Variants in HEATR1 observed in about 807,000 individuals in gnomAD.
The protein encoded by HEATR1 is HEAT repeat-containing protein 1.
Under a neutral mutation model 248.2 loss-of-function variants are expected in HEATR1, and 77 were observed. The observed-to-expected ratio is 0.31, with a 90% CI of 0.26 to 0.37. The LOEUF is 0.37. HEATR1 is among the 10% of genes least tolerant of loss of function. The probability of loss-of-function intolerance (pLI) is 1.00; values close to 1 mark genes in which losing one functional copy is unlikely to be tolerated. For missense variants in HEATR1, 2,420 were observed against 2,504.9 expected, an observed-to-expected ratio of 0.97 and a Z score of 0.72; for synonymous variants, 897 against 923.1, an observed-to-expected ratio of 0.97 and a Z score of 0.51.
chr1:236,587,731 T>G (rs1663932860), intron 13 of HEATR1, among the ~76,000 whole-genome samples: 1 of 152,094 alleles, frequency 6.6e-6, no homozygotes, highest in African/African-American at 2.4e-5. Context: ...CACAAAACAT[T>G]TTTCCTGTTT....
In HEATR1 at chr1:236,566,870, T is replaced by C; in HGVS notation, c.4084A>G (p.Ser1362Gly). The C allele has an allele frequency of 6.2e-7, 1 of 1,608,622 alleles. No individual in the cohort carries two copies. Among genetic ancestry groups the C allele is most frequent in the Non-Finnish European group, 8.5e-7 (1 of 1,175,170 alleles). The change falls in exon 30 of 45, where the codon AGT becomes GGT. Residue 1362 changes from serine to glycine, a missense_variant. Physicochemically the swap from Ser to Gly is moderately conservative, Grantham distance 56 (BLOSUM62 0). Coordinates refer to ENST00000366582, the MANE Select transcript of HEATR1 (RefSeq NM_018072.6). ...CTTGAAACTTCTATAGAATCTCCAC[T>C]ATCAGACTGCAAAACAGCAAGCAGA... ...MVIPALIQSD[S>G]GDSIEVSRNV...
At chr1:236,555,074 T>C (rs1242645272) in intron 41 of HEATR1, among the ~76,000 whole-genome samples, 1 of 152,218 alleles carries the variant, frequency 6.6e-6, no homozygotes, top group Non-Finnish European at 1.5e-5. Context: ...AACGGCCATT[T>C]ACTTTATTCT....
At chr1:236,565,556 T>C (rs1663247017) in intron 31 of HEATR1, among the ~76,000 whole-genome samples, 1 of 152,174 alleles carries the variant, frequency 6.6e-6, no homozygotes, top group African/African-American at 2.4e-5. Context: ...CTGCCACTCC[T>C]GTGGTACCTA....
chr1:236,554,561 G>A, intron 42 of HEATR1, 37 bp downstream of exon 42: 2 of 1,598,638 alleles, frequency 1.3e-6, no homozygotes, highest in Non-Finnish European at 1.7e-6. Context: ...AACAGTGATG[G>A]CTTCCTCAGC....
intron 14 of HEATR1, among the ~76,000 whole-genome samples, chr1:236,586,796 T>C (rs1449655579): frequency 6.6e-6 from 1 of 151,916 alleles, no homozygotes; most frequent in African/African-American, 2.4e-5. Context: ...ACATAAGACA[T>C]ATCACACTAG....
chr1:236,577,030 TTG>T, intron 20 of HEATR1, 81 bp from the exon 21 acceptor site: 1 of 1,107,158 alleles, frequency 9.0e-7, no homozygotes, highest in Non-Finnish European at 1.3e-6. Flanking sequence ...CCAAAGGTAC[TTG>T]ATAAAAAGTT....
chr1:236,600,031 C>T (rs189458395), intron 3 of HEATR1, among the ~76,000 whole-genome samples: 24 of 151,240 alleles, frequency 1.6e-4, no homozygotes, highest in Non-Finnish European at 2.8e-4. Flanking sequence ...TAGCTGGGAC[C>T]ACAGGGGAGC....
At chr1:236,590,734 TTCAAC>T in intron 12 of HEATR1, 108 bp downstream of exon 12, 1 of 438,914 alleles carries the variant, frequency 2.3e-6, no homozygotes, top group Non-Finnish European at 4.1e-6. Context: ...ATGAGGTTTA[TTCAAC>T]TCATCTGTAT....
intron 29 of HEATR1, among the ~76,000 whole-genome samples, chr1:236,567,463 C>A (rs1213044777): frequency 6.6e-6 from 1 of 152,192 alleles, no homozygotes; most frequent in Non-Finnish European, 1.5e-5. Context: ...GTAATCCCAA[C>A]ACTTTGGGAG....
Position 236,565,984 on chromosome 1 carries a change from T to A in HEATR1, c.4370A>T (p.Gln1457Leu), listed in dbSNP as rs1304120983. Reference sequence around the variant, plus strand: ...ATTCATCAAGCTTTGTATCTGATGCTGGACACTAAACTCACAACAGACTGA... The same window carrying A: ...ATTCATCAAGCTTTGTATCTGATGCAGGACACTAAACTCACAACAGACTGA... ...WFSVCCEFSVQHQIQSLMNIL... is the reference protein window; with the variant it reads ...WFSVCCEFSVLHQIQSLMNIL... The change falls in exon 31 of 45, where the codon CAG becomes CTG. Residue 1457 changes from glutamine (Q) to leucine (L), a missense_variant. Physicochemically the swap from Gln to Leu is moderately radical, Grantham distance 113 (BLOSUM62 -2). Transcript: ENST00000366582. The A allele has an allele frequency of 6.8e-6, 11 of 1,613,852 alleles. No homozygotes were observed. Among genetic ancestry groups the A allele is most frequent in the Non-Finnish European group, 8.5e-6 (10 of 1,179,762 alleles).
At chr1:236,582,508 A>G (rs1663779734) in intron 19 of HEATR1, among the ~76,000 whole-genome samples, 1 of 151,798 alleles carries the variant, frequency 6.6e-6, no homozygotes, top group African/African-American at 2.4e-5. Context: ...GTTCAAGCGA[A>G]TTCTCCTGCC....
chr1:236,580,538 A>C (rs2758178), intron 20 of HEATR1, among the ~76,000 whole-genome samples: 73,808 of 132,238 alleles, frequency 0.56, 21,423 homozygotes, highest in Non-Finnish European at 0.67. Flanking sequence ...TTTTTTTGAG[A>C]CAGGGTCTTG....
At position 236,601,463 on chromosome 1, in the gene HEATR1, C is replaced by T. The variant is rs971194043; in HGVS notation, c.359+1697G>A. Among the ~76,000 whole-genome samples the T allele has an allele frequency of 7.2e-5, 11 of 152,228 alleles. No individual in the cohort carries two copies. The South Asian group carries it at 1.2e-3, about 17-fold the overall frequency. ...GTTTTACCATGCTGGCCAGGCTGGC[C>T]TTGAAGCCATGTCTCCAATTAATGG... On this transcript the variant is annotated intron_variant, in intron 3 of 44. Transcript: ENST00000366582.
At chr1:236,556,590 C>T (rs910590795) in intron 37 of HEATR1, among the ~76,000 whole-genome samples, 2 of 152,192 alleles carry the variant, frequency 1.3e-5, no homozygotes, top group Non-Finnish European at 2.9e-5. Context: ...CCTCAGAGCA[C>T]AGGCCCCTTT....
Position 236,603,225 on chromosome 1 carries a change from A to G in HEATR1, c.294T>C (p.Leu98=). The G allele has an allele frequency of 6.2e-7, 1 of 1,614,186 alleles. No homozygotes were observed. Among genetic ancestry groups the G allele is most frequent in the Non-Finnish European group, 8.5e-7 (1 of 1,180,020 alleles). The change falls in exon 3 of 45, where the codon CTT becomes CTC. Residue 98 remains leucine, a synonymous_variant. Coordinates refer to ENST00000366582, the MANE Select transcript of HEATR1 (RefSeq NM_018072.6). ...KQLDENISLF[L]IHLSPYFLLK... The stretch of plus-strand genomic sequence containing the variant: ...GCAGGAAGTAAGGCGACAAGTGAAT[A>G]AGGAATAATGAAATGTTTTCATCCA...
rs747606599 is a variant in HEATR1, at chr1:236,576,872, G to C, written c.2833C>G (p.Leu945Val). The change falls in exon 21 of 45, where the codon CTC (leucine) becomes GTC (valine). Residue 945 changes from leucine (L) to valine (V), a missense_variant. Physicochemically the swap from Leu to Val is conservative, Grantham distance 32 (BLOSUM62 1). Coordinates refer to ENST00000366582, the MANE Select transcript of HEATR1 (RefSeq NM_018072.6). Reference sequence around the variant, plus strand: ...TAAAACGGGGATGCCACTCCACTGAGGGCCTGGAGACACTGAATGGCAGCC... The same window carrying C: ...TAAAACGGGGATGCCACTCCACTGACGGCCTGGAGACACTGAATGGCAGCC... ...RRAAIQCLQA[L>V]SGVASPFYLI... The C allele has an allele frequency of 5.6e-6, 9 of 1,613,826 alleles. No individual in the cohort carries two copies. In the East Asian group the frequency reaches 2.0e-4, roughly 36 times the overall value.
rs751142305 is a variant in HEATR1, at chr1:236,598,385, C to T, written c.502-406G>A. Among the ~76,000 whole-genome samples the T allele has an allele frequency of 3.5e-4, 53 of 152,088 alleles. 1 individual carries two copies. Among genetic ancestry groups the T allele is most frequent in the Admixed American group, 1.4e-3 (22 of 15,278 alleles). On this transcript the variant is annotated intron_variant, in intron 4 of 44. Transcript: ENST00000366582. ...AACTGCACAACTTATACCACTATTCCCACCATCTAGCGTTGTACATGGTAT... is the reference window on the plus strand; with the variant it reads ...AACTGCACAACTTATACCACTATTCTCACCATCTAGCGTTGTACATGGTAT...
chr1:236,558,562 A>C lies in HEATR1; in HGVS notation c.4912-33T>G. ...GGACAGCCAGAATCCCCAAATCATT[A>C]AAGCTGCAAAAAATGTTTGTCCATT... On this transcript the variant is annotated intron_variant, in intron 35 of 44. Coordinates refer to ENST00000366582, the MANE Select transcript of HEATR1 (RefSeq NM_018072.6). 3 of 1,567,618 alleles carry C rather than the reference A, an allele frequency of 1.9e-6. No homozygotes were observed. The South Asian group carries it at 3.6e-5, about 19-fold the overall frequency.
chr1:236,596,720 G>T, intron 6 of HEATR1, 116 bp downstream of exon 6: 1 of 996,352 alleles, frequency 1.0e-6, no homozygotes, highest in Non-Finnish European at 1.5e-6. Flanking sequence ...CTAAATCTCA[G>T]CTATCATCTG....
Sources: allele counts gnomAD v4.1 joint callset (sites outside exome capture counted in the v4.1 genomes callset), GRCh38; gene constraint gnomAD v4.1.1; transcripts MANE v1.5; gene names NCBI Gene and HGNC (gene_info 2026-07-23, HGNC 2026-07-21).